The following PREX1 variants were observed in gnomAD, a reference collection of about 807,000 sequenced individuals.
The protein encoded by PREX1 is phosphatidylinositol 3,4,5-trisphosphate-dependent Rac exchanger 1 protein.
Under a neutral mutation model 198.3 loss-of-function variants are expected in PREX1, and 41 were observed. The ratio of observed to expected loss-of-function variants is 0.21; its 90% confidence interval spans 0.16 to 0.27. PREX1 has a LOEUF of 0.27. PREX1 is among the 10% of genes least tolerant of loss of function. The pLI, the probability that PREX1 is intolerant of heterozygous loss-of-function variation, is 1.00. For synonymous variants in PREX1, 843 were observed against 887.2 expected, an observed-to-expected ratio of 0.95 and a Z score of 0.89; for missense variants, 1,620 against 2,200.7, an observed-to-expected ratio of 0.74 and a Z score of 5.28.
At chr20:48,765,230 T>C (rs1321163812) in intron 1 of PREX1, among the ~76,000 whole-genome samples, 1 of 152,254 alleles carries the variant, frequency 6.6e-6, no homozygotes, top group Non-Finnish European at 1.5e-5. Flanking sequence ...ATTTCATACA[T>C]TGTTTGGCAT....
At chr20:48,645,717 G>T in intron 26 of PREX1, 134 bp downstream of exon 26, 1 of 1,010,358 alleles carries the variant, frequency 9.9e-7, no homozygotes. Flanking sequence ...CCAGAACCAC[G>T]CTATCAGCAA....
At position 48,752,990 on chromosome 20, in the gene PREX1, T is replaced by C. The variant is rs548072430; in HGVS notation, c.220-5110A>G. On this transcript the variant is annotated intron_variant, in intron 1 of 39. Coordinates refer to ENST00000371941, the MANE Select transcript of PREX1 (RefSeq NM_020820.4). ...GTCGACTGGGGTATGGGTATACAAG[T>C]TCCTCTAGGTGATGCACATGTTTCC... Among the ~76,000 whole-genome samples, 4 of 152,294 alleles carry C rather than the reference T, an allele frequency of 2.6e-5. No homozygotes were observed. In the East Asian group the frequency reaches 7.7e-4, roughly 29 times the overall value.
chr20:48,781,654 A>C (rs932197773), intron 1 of PREX1, among the ~76,000 whole-genome samples: 4 of 152,284 alleles, frequency 2.6e-5, no homozygotes, highest in African/African-American at 9.6e-5. Flanking sequence ...TATAGCTAGA[A>C]AAGCACACAG....
At chr20:48,730,101 T>C (rs1336559701) in intron 4 of PREX1, among the ~76,000 whole-genome samples, 3 of 152,030 alleles carry the variant, frequency 2.0e-5, no homozygotes, top group Admixed American at 6.5e-5. Context: ...GACACCCTGA[T>C]TTCAGACTTC....
Position 48,666,518 on chromosome 20 carries a change from T to A in PREX1, c.1666-163A>T, listed in dbSNP as rs1288571034. 6.7e-6 allele frequency among the ~76,000 whole-genome samples: 1 copy of A among 149,020 alleles called. No homozygotes were observed. The highest frequency in any genetic ancestry group is 2.5e-5 in the African/African-American group (1 of 39,968). ...CCCCAAAACGGGTTTGTGATTATTATTTTTTATTATTATTATTATTTTTTT... is the reference window on the plus strand; with the variant it reads ...CCCCAAAACGGGTTTGTGATTATTAATTTTTATTATTATTATTATTTTTTT... On this transcript the variant is annotated intron_variant, in intron 14 of 39. Coordinates refer to ENST00000371941, the MANE Select transcript of PREX1 (RefSeq NM_020820.4). This position sits in a 1 kb window ranked among gnomAD's most constrained non-coding sequence, Gnocchi z 4.3.
intron 5 of PREX1, among the ~76,000 whole-genome samples, chr20:48,713,419 T>A (rs191812384): frequency 6.6e-6 from 1 of 152,138 alleles, no homozygotes; most frequent in Non-Finnish European, 1.5e-5. Context: ...GCCCCTGCAC[T>A]CCAGCCTGGG....
At chr20:48,836,746 CT>C in the PREX1 span, among the ~76,000 whole-genome samples, 10 of 151,950 alleles carry the variant, frequency 6.6e-5, no homozygotes, top group Non-Finnish European at 1.5e-4. Context: ...AAAACTCCAT[CT>C]CTACTAAAAA....
At chr20:48,631,745 T>C (rs2089315933) in intron 35 of PREX1, among the ~76,000 whole-genome samples, 1 of 152,072 alleles carries the variant, frequency 6.6e-6, no homozygotes, top group Non-Finnish European at 1.5e-5. Flanking sequence ...GGAAGGGCTG[T>C]GGGGGAGGGT....
chr20:48,738,330 C>T (rs1029565900), intron 3 of PREX1, among the ~76,000 whole-genome samples: 11 of 152,204 alleles, frequency 7.2e-5, no homozygotes, highest in Non-Finnish European at 1.3e-4. Context: ...CCCCTGAGCC[C>T]CCTTCTACGA....
At chr20:48,846,537 A>T in the PREX1 span, among the ~76,000 whole-genome samples, 1 of 152,152 alleles carries the variant, frequency 6.6e-6, no homozygotes. Context: ...CTCCTACAGT[A>T]CAACAGTCTC....
At chr20:48,651,296 G>A (rs2089494630) in intron 22 of PREX1, 100 bp downstream of exon 22, 7 of 1,465,440 alleles carry the variant, frequency 4.8e-6, no homozygotes, top group Non-Finnish European at 6.3e-6. Flanking sequence ...GAGGAAATGG[G>A]ATTCGGGTGT....
At chr20:48,687,742 C>G (rs1555835404) in intron 10 of PREX1, among the ~76,000 whole-genome samples, 2 of 152,192 alleles carry the variant, frequency 1.3e-5, no homozygotes, top group Non-Finnish European at 2.9e-5. Context: ...ACAGCCTGAC[C>G]ATTTTACAAG....
At chr20:48,769,142 C>A (rs538018515) in intron 1 of PREX1, among the ~76,000 whole-genome samples, 1 of 152,264 alleles carries the variant, frequency 6.6e-6, no homozygotes, top group East Asian at 1.9e-4. Context: ...CTTTGAGGCC[C>A]GTTGCCAAAG....
At position 48,666,200 on chromosome 20, in the gene PREX1, G is replaced by A; in HGVS notation, c.1738+83C>T. 4 of 1,386,436 alleles carry A rather than the reference G, an allele frequency of 2.9e-6. No individual in the cohort carries two copies. In the East Asian group the frequency reaches 1.0e-4, roughly 35 times the overall value. The allele number at this position is 1,386,436 out of a possible 1,614,324, so 85.9% of individuals were successfully genotyped here. ...GGGGGTCTAGAGAGCCACAGACCTG[G>A]CTTCAGTCCTCCCATACTCCCCCAA... is the stretch of plus-strand genomic sequence containing the variant. On this transcript the variant is annotated intron_variant, in intron 15 of 39. Transcript: ENST00000371941. The surrounding 1 kb of genome is among the most constrained non-coding windows in gnomAD (Gnocchi z 4.3).
At chr20:48,819,740 G>A (rs1028079031) in intron 1 of PREX1, among the ~76,000 whole-genome samples, 1 of 152,150 alleles carries the variant, frequency 6.6e-6, no homozygotes, top group Non-Finnish European at 1.5e-5. Flanking sequence ...TTCTTTTTGC[G>A]GTGTCTGAAG....
chr20:48,806,639 C>A (rs1022552367), intron 1 of PREX1, among the ~76,000 whole-genome samples: 3 of 152,174 alleles, frequency 2.0e-5, no homozygotes, highest in African/African-American at 7.2e-5. Flanking sequence ...TGACTTGCCC[C>A]AGGTCACACT....
At chr20:48,651,120 C>A in intron 22 of PREX1, 65 bp from the exon 23 acceptor site, 1 of 1,571,440 alleles carries the variant, frequency 6.4e-7, no homozygotes, top group Non-Finnish European at 8.7e-7. Flanking sequence ...GCGGTTCACC[C>A]ACAGTGACTC....
upstream of PREX1, among the ~76,000 whole-genome samples, chr20:48,832,952 A>T (rs2090540270): frequency 6.6e-6 from 1 of 152,162 alleles, no homozygotes; most frequent in Admixed American, 6.5e-5. Context: ...AACATGCACG[A>T]CTTCTTCTCC....
chr20:48,758,512 C>G (rs1018078931), intron 1 of PREX1, among the ~76,000 whole-genome samples: 23 of 152,328 alleles, frequency 1.5e-4, no homozygotes, highest in Non-Finnish European at 1.6e-4. Flanking sequence ...CGCAGCCACA[C>G]AGGCCAGGCA....
Sources: allele counts gnomAD v4.1 joint callset (sites outside exome capture counted in the v4.1 genomes callset), GRCh38; gene constraint gnomAD v4.1.1; non-coding constraint Gnocchi (gnomAD v3.1); transcripts MANE v1.5; gene names NCBI Gene and HGNC (gene_info 2026-07-23, HGNC 2026-07-21).